The following XKRX variants were observed in gnomAD, a reference collection of about 807,000 sequenced individuals.
XKRX encodes XK related X-linked.
A neutral mutation model predicts 22.4 loss-of-function variants in XKRX; 11 were observed. The observed-to-expected ratio is 0.49, with a 90% CI of 0.31 to 0.81. The LOEUF (loss-of-function observed/expected upper bound fraction) is 0.81, where lower values mean the gene tolerates loss of function less well. XKRX is among the 40% of genes least tolerant of loss of function. The probability of loss-of-function intolerance (pLI) is 0.05; values close to 1 mark genes in which losing one functional copy is unlikely to be tolerated. For missense variants in XKRX, 320 were observed against 336.5 expected (o/e 0.95, Z 0.38); for synonymous variants, 114 against 132.2 (o/e 0.86, Z 0.94).
chrX:100,908,409 G>A, the XKRX span, among the ~76,000 whole-genome samples: 2 of 111,315 alleles, frequency 1.8e-5, no homozygotes, highest in Non-Finnish European at 3.8e-5. Context: ...GAGCCACTGC[G>A]CCCGGCCAGA....
chrX:100,912,867 C>T (rs972882447), downstream of XKRX, among the ~76,000 whole-genome samples: 15 of 111,490 alleles, frequency 1.3e-4, no homozygotes, highest in East Asian at 2.8e-4. Flanking sequence ...GGTATAGGAA[C>T]GAACAGAGGG....
the XKRX span, chrX:100,887,900 A>T: frequency 1.6e-5 from 19 of 1,160,268 alleles, no homozygotes; most frequent in Non-Finnish European, 2.1e-5. Flanking sequence ...CACCACCACC[A>T]TGGCTGCCAC....
At chrX:100,897,593 A>ATATATGTGTGTGTGTGTG in the XKRX span, among the ~76,000 whole-genome samples, 5 of 66,474 alleles carry the variant, frequency 7.5e-5, no homozygotes, top group African/African-American at 3.0e-4. Flanking sequence ...AAATATATAT[A>ATATATGTGTGTGTGTGTG]TGTGTGTGTG....
the XKRX span, among the ~76,000 whole-genome samples, chrX:100,954,942 A>T: frequency 8.9e-6 from 1 of 111,855 alleles, no homozygotes; most frequent in East Asian, 2.8e-4. Flanking sequence ...AGTGATACAG[A>T]GTTTGGGGCA....
the XKRX span, among the ~76,000 whole-genome samples, chrX:100,902,819 C>T: frequency 9.2e-5 from 10 of 108,958 alleles, no homozygotes; most frequent in Admixed American, 7.9e-4. Context: ...GGCGTGATCT[C>T]GTCTCACTGC....
At chrX:100,923,908 C>T (rs191594478) in intron 1 of XKRX, among the ~76,000 whole-genome samples, 25 of 102,865 alleles carry the variant, frequency 2.4e-4, no homozygotes, top group Admixed American at 1.2e-3. Flanking sequence ...GCGATCTCAG[C>T]TCACTGTAAC....
At chrX:100,954,096 T>C in the XKRX span, among the ~76,000 whole-genome samples, 1 of 110,760 alleles carries the variant, frequency 9.0e-6, no homozygotes, top group Non-Finnish European at 1.9e-5. Flanking sequence ...CACAGTTAGA[T>C]GCCACTTCAT....
At chrX:100,935,080 TAGTC>T in the XKRX span, among the ~76,000 whole-genome samples, 1 of 112,083 alleles carries the variant, frequency 8.9e-6, no homozygotes, top group Non-Finnish European at 1.9e-5. Flanking sequence ...CTTTTTTACT[TAGTC>T]AGATATAGCA....
At chrX:100,920,228 A>C (rs1259531361) in intron 2 of XKRX, among the ~76,000 whole-genome samples, 1 of 98,336 alleles carries the variant, frequency 1.0e-5, no homozygotes, top group Non-Finnish European at 2.0e-5. Context: ...AATTAGGAGA[A>C]TAAAAAGTCT....
chrX:100,920,569 A>C (rs188830976), intron 2 of XKRX, among the ~76,000 whole-genome samples: 9 of 111,501 alleles, frequency 8.1e-5, no homozygotes, highest in African/African-American at 2.3e-4. Flanking sequence ...TAATTAAAAA[A>C]AGATAAAGAC....
intron 2 of XKRX, among the ~76,000 whole-genome samples, chrX:100,917,702 G>GAAAGAAAGAA (rs2085450652): frequency 9.6e-6 from 1 of 104,396 alleles, no homozygotes; most frequent in African/African-American, 3.6e-5. Flanking sequence ...AAGAAAGAAA[G>GAAAGAAAGAA]AAAGAAAGAA....
At chrX:100,897,593 ATGTGTGTGTGTGTGTGTGTGTGTGTG>A in the XKRX span, among the ~76,000 whole-genome samples, 1 of 66,474 alleles carries the variant, frequency 1.5e-5, no homozygotes, top group African/African-American at 6.0e-5. Flanking sequence ...AAATATATAT[ATGTGTGTGTGTGTGTGTGTGTGTGTG>A]TGTGTGTGTG....
chrX:100,896,696 G>A, the XKRX span, among the ~76,000 whole-genome samples: 2 of 111,438 alleles, frequency 1.8e-5, no homozygotes, highest in Non-Finnish European at 3.8e-5. Flanking sequence ...CAGGCACAGC[G>A]GCTCACGCCT....
intron 2 of XKRX, 98 bp downstream of exon 2, chrX:100,922,695 C>A: frequency 2.4e-6 from 2 of 841,236 alleles, no homozygotes; most frequent in East Asian, 6.6e-5. Flanking sequence ...AGTTAAATAG[C>A]CACATGAAGC....
At chrX:100,917,674 A>AAAGG (rs34196882) in intron 2 of XKRX, among the ~76,000 whole-genome samples, 15 of 25,413 alleles carry the variant, frequency 5.9e-4, no homozygotes, top group Non-Finnish European at 9.6e-4. Flanking sequence ...AGAAAGAAAG[A>AAAGG]AAAGAAAGAA....
At chrX:100,949,043 G>A in the XKRX span, among the ~76,000 whole-genome samples, 1 of 112,655 alleles carries the variant, frequency 8.9e-6, no homozygotes, top group Non-Finnish European at 1.9e-5. Flanking sequence ...AAACAGTGTG[G>A]CAGTATTCTG....
the XKRX span, among the ~76,000 whole-genome samples, chrX:100,934,749 A>G: frequency 8.9e-6 from 1 of 112,191 alleles, no homozygotes; most frequent in Non-Finnish European, 1.9e-5. Flanking sequence ...GTAAAATGCT[A>G]GATCATATGG....
the XKRX span, among the ~76,000 whole-genome samples, chrX:100,900,829 G>T: frequency 4.3e-5 from 4 of 92,121 alleles, no homozygotes; most frequent in African/African-American, 8.4e-5. Flanking sequence ...TTGTTCTGTC[G>T]CCTAGGCTGG....
chrX:100,894,210 T>C, the XKRX span, among the ~76,000 whole-genome samples: 224 of 111,597 alleles, frequency 2.0e-3, 4 homozygotes, highest in Middle Eastern at 4.6e-3. Flanking sequence ...GAGGTTGTAG[T>C]GAGCCAAGAT....
Sources: allele counts gnomAD v4.1 joint callset (sites outside exome capture counted in the v4.1 genomes callset), GRCh38; gene constraint gnomAD v4.1.1; transcripts MANE v1.5; gene names NCBI Gene and HGNC (gene_info 2026-07-23, HGNC 2026-07-21).